The following CERS6 variants were observed in gnomAD, a reference collection of about 807,000 sequenced individuals.
The protein encoded by CERS6 is ceramide synthase 6.
A neutral mutation model predicts 56.8 loss-of-function variants in CERS6; 26 were observed. The ratio of observed to expected loss-of-function variants is 0.46; its 90% confidence interval spans 0.34 to 0.63. The LOEUF is 0.63. CERS6 is among the 30% of genes least tolerant of loss of function. CERS6 has a pLI of 0.01. For synonymous variants in CERS6, 164 were observed against 173.3 expected, an observed-to-expected ratio of 0.95 and a Z score of 0.42; for missense variants, 415 against 467.5, an observed-to-expected ratio of 0.89 and a Z score of 1.04.
chr2:168,680,060 A>G (rs1178121935), intron 4 of CERS6, among the ~76,000 whole-genome samples: 16 of 152,190 alleles, frequency 1.1e-4, no homozygotes, highest in African/African-American at 3.4e-4. Context: ...AGTTCTGTGG[A>G]GAGAAAGACT....
At chr2:168,723,828 A>C (rs891170811) in intron 8 of CERS6, among the ~76,000 whole-genome samples, 2 of 152,216 alleles carry the variant, frequency 1.3e-5, no homozygotes, top group African/African-American at 2.4e-5. Flanking sequence ...ATGTGTCTGT[A>C]TTTCCTGTTC....
rs190157032 is a variant in CERS6 at position 168,737,359 on chromosome 2, T to C, written c.845+19381T>C. 2.1e-3 allele frequency among the ~76,000 whole-genome samples: 325 copies of C among 152,310 alleles called. 2 individuals carry two copies. Among genetic ancestry groups the C allele is most frequent in the African/African-American group, 7.6e-3 (316 of 41,580 alleles). The stretch of plus-strand genomic sequence containing the variant: ...AGACGCTTAGTCACATAAATGTCCT[T>C]TTTCTCTAATGTGTAAGGAAAAAAT... On this transcript the variant is annotated intron_variant, in intron 8 of 9. Transcript: ENST00000305747.
intron 8 of CERS6, among the ~76,000 whole-genome samples, chr2:168,744,105 T>A (rs1225465746): frequency 1.3e-5 from 2 of 148,450 alleles, no homozygotes; most frequent in Admixed American, 6.8e-5. Flanking sequence ...TCCTGTGTTC[T>A]CGCCATTCTC....
intron 3 of CERS6, among the ~76,000 whole-genome samples, chr2:168,623,822 C>T (rs1264714046): frequency 1.3e-5 from 2 of 152,158 alleles, no homozygotes; most frequent in Non-Finnish European, 2.9e-5. Context: ...CTAGTCTTGA[C>T]TTTAAGGTCA....
At chr2:168,553,690 A>G (rs987328630) in intron 2 of CERS6, among the ~76,000 whole-genome samples, 2 of 152,144 alleles carry the variant, frequency 1.3e-5, no homozygotes, top group African/African-American at 4.8e-5. Flanking sequence ...AGACTCTATT[A>G]AATCATTAAT....
At chr2:168,499,600 T>C (rs1019569241) in intron 1 of CERS6, among the ~76,000 whole-genome samples, 1 of 152,204 alleles carries the variant, frequency 6.6e-6, no homozygotes, top group African/African-American at 2.4e-5. Flanking sequence ...CTACCTCACC[T>C]GGTGTTGATG....
chr2:168,667,187 T>A (rs60921632), intron 4 of CERS6, among the ~76,000 whole-genome samples: 7,179 of 152,296 alleles, frequency 0.047, 416 homozygotes, highest in African/African-American at 0.14. Context: ...CAGGTGGATG[T>A]TCCATGCTGT....
chr2:168,646,382 A>G (rs1364164619), intron 4 of CERS6, among the ~76,000 whole-genome samples: 2 of 151,916 alleles, frequency 1.3e-5, no homozygotes, highest in Non-Finnish European at 2.9e-5. Context: ...CCACTTTTTA[A>G]TGGGGTTGCT....
At chr2:168,589,890 G>GA (rs1240827817) in intron 3 of CERS6, among the ~76,000 whole-genome samples, 2 of 152,194 alleles carry the variant, frequency 1.3e-5, no homozygotes, top group African/African-American at 4.8e-5. Context: ...TAAATTCCAA[G>GA]AAATGGTATT....
At chr2:168,653,791 C>T (rs895271482) in intron 4 of CERS6, among the ~76,000 whole-genome samples, 1 of 152,196 alleles carries the variant, frequency 6.6e-6, no homozygotes, top group Admixed American at 6.5e-5. Flanking sequence ...TTGGAACTTA[C>T]AAATCCCTGT....
intron 4 of CERS6, among the ~76,000 whole-genome samples, chr2:168,685,855 A>G (rs1686335316): frequency 6.6e-6 from 1 of 151,946 alleles, no homozygotes; most frequent in African/African-American, 2.4e-5. Flanking sequence ...GAAGAGGCAC[A>G]TAAGCTAATG....
intron 3 of CERS6, among the ~76,000 whole-genome samples, chr2:168,625,167 A>G (rs968310313): frequency 1.3e-5 from 2 of 152,198 alleles, no homozygotes; most frequent in Admixed American, 6.5e-5. Context: ...GAATGTCTCA[A>G]TTAATAAAAT....
intron 1 of CERS6, among the ~76,000 whole-genome samples, chr2:168,464,300 T>G (rs1480258434): frequency 6.6e-6 from 1 of 151,864 alleles, no homozygotes; most frequent in African/African-American, 2.4e-5. Flanking sequence ...CAAGTGATTC[T>G]CATGCCTCAG....
chr2:168,727,076 C>G (rs1683372306), intron 8 of CERS6, among the ~76,000 whole-genome samples: 1 of 152,208 alleles, frequency 6.6e-6, no homozygotes, highest in Non-Finnish European at 1.5e-5. Context: ...AGTCATGTCC[C>G]ATGAAGTGCC....
intron 6 of CERS6, among the ~76,000 whole-genome samples, chr2:168,702,315 T>C (rs1190069830): frequency 6.6e-6 from 1 of 152,234 alleles, no homozygotes; most frequent in Admixed American, 6.5e-5. Flanking sequence ...CTTTTTTTCA[T>C]AGAACCCCAT....
intron 1 of CERS6, among the ~76,000 whole-genome samples, chr2:168,501,521 G>A (rs1163780398): frequency 6.6e-6 from 1 of 152,128 alleles, no homozygotes; most frequent in East Asian, 1.9e-4. Context: ...CCTATAATGA[G>A]GTCGAAGAAA....
intron 3 of CERS6, among the ~76,000 whole-genome samples, chr2:168,568,407 A>C (rs1695921240): frequency 6.6e-6 from 1 of 152,194 alleles, no homozygotes; most frequent in South Asian, 2.1e-4. Flanking sequence ...ATGTATTTTA[A>C]AAGTTATTTG....
At chr2:168,502,950 A>G (rs138998249) in intron 1 of CERS6, among the ~76,000 whole-genome samples, 15 of 152,274 alleles carry the variant, frequency 9.9e-5, no homozygotes, top group African/African-American at 3.1e-4. Context: ...AGGGTGTCTT[A>G]TATGGTTTGG....
At chr2:168,504,312 A>G (rs1363224070) in intron 1 of CERS6, among the ~76,000 whole-genome samples, 2 of 152,134 alleles carry the variant, frequency 1.3e-5, no homozygotes, top group South Asian at 2.1e-4. Context: ...CTGAGGCTGC[A>G]GTGAGCCAAG....
Sources: gnomAD v4.1 joint callset for allele counts (sites outside exome capture counted in the v4.1 genomes callset) on GRCh38, gnomAD v4.1.1 for gene constraint, MANE v1.5 for transcripts, NCBI Gene and HGNC (gene_info 2026-07-23, HGNC 2026-07-21) for gene names.